ECHS1: variants seen among roughly 807,000 people sequenced by gnomAD.
ECHS1 encodes enoyl-CoA hydratase, short chain 1.
A neutral mutation model predicts 33.5 loss-of-function variants in ECHS1; 19 were observed. The ratio of observed to expected loss-of-function variants is 0.57; its 90% CI spans 0.40 to 0.83. ECHS1 has a LOEUF of 0.83. Among genes scored for constraint, ECHS1 ranks in the 40% least tolerant of loss-of-function variants. The pLI is 0.00. For synonymous variants in ECHS1, 158 were observed against 146.6 expected, an observed-to-expected ratio of 1.08 and a Z score of -0.56; for missense variants, 365 against 381.3, an observed-to-expected ratio of 0.96 and a Z score of 0.36.
In ECHS1 at chr10:133,364,767, T is replaced by C. The variant is rs748606697; in HGVS notation, c.740-42A>G. ...CAGAGTTATGAACGGAGATATTACA[T>C]GCAGAACTTTTCCTGCACGGTGACA... On this transcript the variant is annotated intron_variant, in intron 6 of 7. Transcript: ENST00000368547. 2.6e-6 allele frequency: 4 copies of C among 1,535,102 alleles called. No homozygotes were observed. The South Asian group carries it at 4.5e-5, about 17-fold the overall frequency.
chr10:133,363,946 G>T (rs928240590), intron 7 of ECHS1, among the ~76,000 whole-genome samples: 1 of 151,510 alleles, frequency 6.6e-6, no homozygotes, highest in Non-Finnish European at 1.5e-5. Flanking sequence ...TGGGTAAAAT[G>T]AGTTACATTT....
chr10:133,366,115 G>C lies in ECHS1; in HGVS notation c.620-20C>G, dbSNP rs765526286. On this transcript the variant is annotated intron_variant, in intron 5 of 7. Transcript: ENST00000368547. ...CAAGACCTGAAACACAAGAAAGTCA[G>C]TGAGTGATGTGCAGAAACAGCACTT... is the stretch of plus-strand genomic sequence containing the variant. 6.2e-7 allele frequency: 1 copy of C among 1,610,820 alleles called. No individual in the cohort carries two copies. The highest frequency in any genetic ancestry group is 1.1e-5 in the South Asian group (1 of 90,960).
Position 133,362,837 on chromosome 10 carries a change from A to G in ECHS1, c.*31T>C. 2 of 1,608,184 alleles carry G rather than the reference A, an allele frequency of 1.2e-6. No individual in the cohort carries two copies. Among genetic ancestry groups the G allele is most frequent in the Non-Finnish European group, 1.7e-6 (2 of 1,174,592 alleles). ...TGACAGGCTGCACTTGTCCTCTCCA[A>G]GCAGAGGTGTGAAGCAGGGGCAGCT... On this transcript the variant is annotated 3_prime_UTR_variant, in exon 8 of 8. Coordinates refer to ENST00000368547, the MANE Select transcript of ECHS1 (RefSeq NM_004092.4).
intron 4 of ECHS1, among the ~76,000 whole-genome samples, chr10:133,368,108 G>A (rs1391451032): frequency 2.0e-5 from 3 of 151,992 alleles, no homozygotes; most frequent in South Asian, 2.1e-4. Context: ...TCTCGTCTCC[G>A]CACATGGGGA....
chr10:133,364,846 C>T (rs1849008546), intron 6 of ECHS1, 121 bp from the exon 7 acceptor site: 6 of 733,162 alleles, frequency 8.2e-6, no homozygotes, highest in East Asian at 2.6e-5. Flanking sequence ...TGGCCCAGCC[C>T]TGCACAGGCT....
rs145332411 is a variant in ECHS1, at chr10:133,366,349, G to A, written c.620-254C>T. Among the ~76,000 whole-genome samples, 62 of 152,356 alleles carry A rather than the reference G, an allele frequency of 4.1e-4. No individual in the cohort carries two copies. The East Asian group carries it at 0.01, about 25-fold the overall frequency. On this transcript the variant is annotated intron_variant, in intron 5 of 7. Transcript: ENST00000368547. ...TCCGACGGCAGAGGCGGCCAGACAC[G>A]GGGACTGTGATCACCAACAGGGCAG...
intron 2 of ECHS1, 58 bp from the exon 3 acceptor site, chr10:133,370,089 A>G (rs1007929220): frequency 5.7e-5 from 92 of 1,601,588 alleles, no homozygotes; most frequent in South Asian, 5.1e-4. Flanking sequence ...CACCCATCCT[A>G]TATCTCTCAG....
chr10:133,370,462 G>T, intron 2 of ECHS1, 98 bp downstream of exon 2: 1 of 1,287,464 alleles, frequency 7.8e-7, no homozygotes, highest in Non-Finnish European at 1.0e-6. Context: ...GCATGCCTCT[G>T]CCATCACAGA....
chr10:133,365,877 G>A, intron 6 of ECHS1, 99 bp downstream of exon 6: 1 of 1,455,158 alleles, frequency 6.9e-7, no homozygotes, highest in Non-Finnish European at 9.4e-7. Flanking sequence ...GCCCAGGAGG[G>A]CTTAAGGCAT....
At chr10:133,363,934 C>T (rs1848998289) in intron 7 of ECHS1, among the ~76,000 whole-genome samples, 2 of 151,886 alleles carry the variant, frequency 1.3e-5, no homozygotes, top group Admixed American at 6.6e-5. Flanking sequence ...TCTAAAAAAA[C>T]ATGGGTAAAA....
intron 1 of ECHS1, 113 bp from the exon 2 acceptor site, chr10:133,370,870 T>C: frequency 9.2e-7 from 1 of 1,092,594 alleles, no homozygotes; most frequent in Non-Finnish European, 1.3e-6. Flanking sequence ...AGAGGCCCTC[T>C]GAGGGCTCCC....
chr10:133,369,740 G>A (rs988671146), intron 3 of ECHS1, among the ~76,000 whole-genome samples, 164 bp downstream of exon 3: 1 of 152,156 alleles, frequency 6.6e-6, no homozygotes, highest in Non-Finnish European at 1.5e-5. Flanking sequence ...GCCAGGAGGT[G>A]TCCTCTCCAC....
chr10:133,368,845 A>G, intron 4 of ECHS1, 78 bp downstream of exon 4: 1 of 1,352,062 alleles, frequency 7.4e-7, no homozygotes, highest in South Asian at 1.2e-5. Flanking sequence ...GTCAGATATG[A>G]GCTGTGGGCC....
intron 5 of ECHS1, among the ~76,000 whole-genome samples, 183 bp from the exon 6 acceptor site, chr10:133,366,278 C>T (rs1353612218): frequency 2.6e-5 from 4 of 152,264 alleles, no homozygotes; most frequent in African/African-American, 9.6e-5. Flanking sequence ...GATCTCGGCA[C>T]TGCGGTCACT....
intron 1 of ECHS1, among the ~76,000 whole-genome samples, chr10:133,371,321 C>G (rs2133443844): frequency 6.6e-6 from 1 of 152,226 alleles, no homozygotes; most frequent in African/African-American, 2.4e-5. Flanking sequence ...GCACAGAACA[C>G]AGCCCACAGC....
intron 1 of ECHS1, 135 bp downstream of exon 1, chr10:133,373,111 G>A: frequency 1.6e-6 from 1 of 622,848 alleles, no homozygotes; most frequent in Non-Finnish European, 2.4e-6. Flanking sequence ...GGGTCAGGCG[G>A]AAGAGGGGTG....
In ECHS1 at chr10:133,366,020, T is replaced by C; in HGVS notation, c.695A>G (p.Asn232Ser). ...GGCCATCGCTACTACAATTTTAGAA[T>C]TGCTGGCAATTTTTTCTGCACACTG... is the stretch of plus-strand genomic sequence containing the variant. ...AIQCAEKIAS[N>S]SKIVVAMAKE... The change falls in exon 6 of 8, where the codon AAT becomes AGT. Residue 232 changes from asparagine to serine, a missense_variant. Transcript: ENST00000368547. 4 of 1,614,034 alleles carry C rather than the reference T, an allele frequency of 2.5e-6. No individual in the cohort carries two copies. The highest frequency in any genetic ancestry group is 3.4e-6 in the Non-Finnish European group (4 of 1,180,030).
intron 7 of ECHS1, 42 bp downstream of exon 7, chr10:133,364,616 C>A (rs1849005590): frequency 6.8e-7 from 1 of 1,476,984 alleles, no homozygotes; most frequent in African/African-American, 1.4e-5. Flanking sequence ...ACTTGTGTGA[C>A]TGGAATTTGC....
intron 6 of ECHS1, among the ~76,000 whole-genome samples, chr10:133,365,607 A>G (rs569720150): frequency 6.6e-6 from 1 of 152,204 alleles, no homozygotes; most frequent in Non-Finnish European, 1.5e-5. Context: ...CCAGGCGCAC[A>G]CGCAGCCGCC....
Sources: gnomAD v4.1 joint callset for allele counts (sites outside exome capture counted in the v4.1 genomes callset) on GRCh38, gnomAD v4.1.1 for gene constraint, MANE v1.5 for transcripts, NCBI Gene and HGNC (gene_info 2026-07-23, HGNC 2026-07-21) for gene names.